C8orf76: variants seen among roughly 807,000 people sequenced by gnomAD.
C8orf76 encodes the protein chromosome 8 open reading frame 76.
A neutral mutation model predicts 38.1 loss-of-function variants in C8orf76; 46 were observed. The ratio of observed to expected loss-of-function variants is 1.21; its 90% confidence interval spans 0.95 to 1.54. The LOEUF is 1.54. Ranked by LOEUF, C8orf76 falls within the 40% of genes most tolerant of loss-of-function variation. The pLI, the probability that C8orf76 is intolerant of heterozygous loss-of-function variation, is 0.00. For missense variants in C8orf76, 461 were observed against 441.6 expected (o/e 1.04, Z -0.39); for synonymous variants, 166 against 167.5 (o/e 0.99, Z 0.07).
chr8:123,226,605 C>T lies in C8orf76; in HGVS notation c.843G>A (p.Gln281=). Residue 281 remains glutamine, a synonymous_variant, in exon 5 of 6, where the codon CAG becomes CAA. Coordinates refer to ENST00000276704, the MANE Select transcript of C8orf76 (RefSeq NM_032847.3). ...TRLLLQFTQP[Q]QTSFALERNL... The stretch of plus-strand genomic sequence containing the variant: ...TCCTCTCCAAAGCAAACGATGTTTG[C>T]TGAGGTTGGGTAAACTGAAGCAGAA... 6.2e-7 allele frequency: 1 copy of T among 1,606,582 alleles called. No individual in the cohort carries two copies. Among genetic ancestry groups the T allele is most frequent in the African/African-American group, 1.3e-5 (1 of 74,456 alleles).
chr8:123,237,166 C>T (rs1296215329), intron 3 of C8orf76: 2 of 730,658 alleles, frequency 2.7e-6, no homozygotes, highest in Admixed American at 3.8e-5. Flanking sequence ...TGTCAACTCC[C>T]GCAAGAAGCG....
At chr8:123,235,089 A>T (rs1456109187) in intron 3 of C8orf76, among the ~76,000 whole-genome samples, 1 of 152,168 alleles carries the variant, frequency 6.6e-6, no homozygotes, top group Non-Finnish European at 1.5e-5. Flanking sequence ...AAATAGTAGG[A>T]CTGAAATGTT....
At chr8:123,225,349 A>G (rs566003563) in intron 5 of C8orf76, among the ~76,000 whole-genome samples, 5 of 152,200 alleles carry the variant, frequency 3.3e-5, no homozygotes, top group Non-Finnish European at 4.4e-5. Context: ...AGAGTAATCA[A>G]TAATTATCCC....
intron 5 of C8orf76, among the ~76,000 whole-genome samples, chr8:123,220,614 C>A (rs1333593805): frequency 6.6e-6 from 1 of 152,188 alleles, no homozygotes; most frequent in Admixed American, 6.5e-5. Context: ...ATTTGGCTTA[C>A]CAGGAGTACT....
At chr8:123,231,955 A>C (rs1379275890) in intron 3 of C8orf76, among the ~76,000 whole-genome samples, 198 bp from the exon 4 acceptor site, 2 of 152,214 alleles carry the variant, frequency 1.3e-5, no homozygotes, top group Non-Finnish European at 2.9e-5. Flanking sequence ...ACCTAGAGAA[A>C]GAGTCACCAG....
At chr8:123,240,752 G>C (rs569470176) in intron 1 of C8orf76, among the ~76,000 whole-genome samples, 4 of 152,212 alleles carry the variant, frequency 2.6e-5, no homozygotes, top group Non-Finnish European at 5.9e-5. Flanking sequence ...AGACTTCCTA[G>C]AGGAGATGAC....
In C8orf76 at chr8:123,233,543, C is replaced by T. The variant is rs971332235; in HGVS notation, c.358-1786G>A. On this transcript the variant is annotated intron_variant, in intron 3 of 5. Coordinates refer to ENST00000276704, the MANE Select transcript of C8orf76 (RefSeq NM_032847.3). ...CCAAGTAGCTGGGACTACAGGTGCCCACCACCACACCAAGAGAGTTTTTAA... is the reference window on the plus strand; with the variant it reads ...CCAAGTAGCTGGGACTACAGGTGCCTACCACCACACCAAGAGAGTTTTTAA... Among the ~76,000 whole-genome samples, 6 of 151,362 alleles carry T rather than the reference C, an allele frequency of 4.0e-5. No individual in the cohort carries two copies. In the South Asian group the frequency reaches 1.3e-3, roughly 32 times the overall value.
At chr8:123,232,530 T>C (rs1825309388) in intron 3 of C8orf76, among the ~76,000 whole-genome samples, 2 of 152,354 alleles carry the variant, frequency 1.3e-5, no homozygotes, top group African/African-American at 4.8e-5. Flanking sequence ...TTCAAGTTGA[T>C]GTGAGGTCTA....
chr8:123,233,508 C>A (rs537062123), intron 3 of C8orf76, among the ~76,000 whole-genome samples: 146 of 152,102 alleles, frequency 9.6e-4, no homozygotes, highest in African/African-American at 3.4e-3. Flanking sequence ...AGTCCTCCCA[C>A]CTCAACCTCC....
intron 5 of C8orf76, among the ~76,000 whole-genome samples, chr8:123,223,849 G>A (rs1284306657): frequency 6.6e-6 from 1 of 152,142 alleles, no homozygotes; most frequent in African/African-American, 2.4e-5. Context: ...AAATAAAGCA[G>A]ACACAAAAGG....
At position 123,233,239 on chromosome 8, in the gene C8orf76, G is replaced by A. The variant is rs554325453; in HGVS notation, c.358-1482C>T. Among the ~76,000 whole-genome samples, 88 of 152,084 alleles carry A rather than the reference G, an allele frequency of 5.8e-4. 1 individual carries two copies. Among genetic ancestry groups the A allele is most frequent in the East Asian group, 3.5e-3 (18 of 5,158 alleles). ...TTGCCATGTTGGCCAGGCTGGTCTC[G>A]AACTCCTGACCTCAAGTGATCCACC... On this transcript the variant is annotated intron_variant, in intron 3 of 5. Transcript: ENST00000276704.
chr8:123,221,507 C>T (rs983015706), intron 5 of C8orf76, among the ~76,000 whole-genome samples: 3 of 152,192 alleles, frequency 2.0e-5, no homozygotes, highest in African/African-American at 7.2e-5. Flanking sequence ...GCGATCTTGG[C>T]TCACTGTGAC....
chr8:123,234,642 A>G (rs1256192975), intron 3 of C8orf76, among the ~76,000 whole-genome samples: 2 of 151,938 alleles, frequency 1.3e-5, no homozygotes, highest in African/African-American at 4.8e-5. Flanking sequence ...GGTGGCGGGC[A>G]CCTCTAATCC....
At chr8:123,237,474 A>T (rs1825539523) in intron 3 of C8orf76, among the ~76,000 whole-genome samples, 1 of 152,240 alleles carries the variant, frequency 6.6e-6, no homozygotes, top group Admixed American at 6.5e-5. Context: ...CAACGTCTAA[A>T]AACAATCTAA....
intron 5 of C8orf76, among the ~76,000 whole-genome samples, chr8:123,223,509 G>A (rs2131131470): frequency 6.6e-6 from 1 of 152,306 alleles, no homozygotes; most frequent in South Asian, 2.1e-4. Flanking sequence ...TTGGGAGGCT[G>A]AGACAGGAGA....
In C8orf76 at chr8:123,232,808, A is replaced by C. The variant is rs138839832; in HGVS notation, c.358-1051T>G. 7.8e-4 allele frequency among the ~76,000 whole-genome samples: 119 copies of C among 152,196 alleles called. 1 individual carries two copies. Among genetic ancestry groups the C allele is most frequent in the African/African-American group, 2.5e-3 (102 of 41,456 alleles). On this transcript the variant is annotated intron_variant, in intron 3 of 5. Transcript: ENST00000276704. Reference sequence around the variant, plus strand: ...TTGTTCAGCATCTGTCCTTCCCAACAGACCATTTAGCTCCATAAGAGCTTT... The same window carrying C: ...TTGTTCAGCATCTGTCCTTCCCAACCGACCATTTAGCTCCATAAGAGCTTT...
intron 5 of C8orf76, 22 bp from the exon 6 acceptor site, chr8:123,220,319 A>G: frequency 6.6e-7 from 1 of 1,512,418 alleles, no homozygotes; most frequent in Non-Finnish European, 8.8e-7. Flanking sequence ...GGAAAAAAAA[A>G]AACTGTCCCA....
chr8:123,229,326 G>C (rs548865909), intron 4 of C8orf76, among the ~76,000 whole-genome samples: 15 of 152,348 alleles, frequency 9.8e-5, no homozygotes, highest in Non-Finnish European at 2.2e-4. Context: ...ATAGTTTCCT[G>C]ATCCATCTAG....
At chr8:123,238,009 G>C in intron 2 of C8orf76, 68 bp from the exon 3 acceptor site, 1 of 1,527,898 alleles carries the variant, frequency 6.5e-7, no homozygotes, top group Non-Finnish European at 8.8e-7. Flanking sequence ...ATTCAGAATA[G>C]GGGTGATTTT....
Sources: allele counts gnomAD v4.1 joint callset (sites outside exome capture counted in the v4.1 genomes callset), GRCh38; gene constraint gnomAD v4.1.1; transcripts MANE v1.5; gene names NCBI Gene and HGNC (gene_info 2026-07-23, HGNC 2026-07-21).